Variants in PCDHGA8 observed in about 807,000 individuals in gnomAD.
PCDHGA8 encodes the protein protocadherin gamma-A8.
PCDHGA8 carries 45 observed loss-of-function variants against 59.2 expected under a neutral mutation model. The ratio of observed to expected loss-of-function variants is 0.76; its 90% CI spans 0.60 to 0.98. The LOEUF (loss-of-function observed/expected upper bound fraction) is 0.98. Among genes scored for constraint, PCDHGA8 ranks in the 50% least tolerant of loss-of-function variants. The pLI is 0.00. For synonymous variants in PCDHGA8, 531 were observed against 519.0 expected, an observed-to-expected ratio of 1.02 and a Z score of -0.32; for missense variants, 1,257 against 1,196.2, an observed-to-expected ratio of 1.05 and a Z score of -0.75.
intron 1 of PCDHGA8, chr5:141,410,576 C>T (rs533810160): frequency 8.7e-6 from 14 of 1,611,152 alleles, no homozygotes; most frequent in Non-Finnish European, 1.2e-5. Context: ...AATTCCACCT[C>T]ATGGTGGGGA....
rs191953163 is a variant in PCDHGA8 at position 141,426,385 on chromosome 5, C to T, written c.2424+31148C>T. Reference sequence around the variant, plus strand: ...CTGCGGGGCACCCTCGGAGCAGATCCGCTACTCTATTCCAGAAGAAACGGT... The same window carrying T: ...CTGCGGGGCACCCTCGGAGCAGATCTGCTACTCTATTCCAGAAGAAACGGT... On this transcript the variant is annotated intron_variant, in intron 1 of 3. Transcript: ENST00000398604. 1.4e-3 allele frequency: 332 copies of T among 244,362 alleles called. 1 individual carries two copies. The highest frequency in any genetic ancestry group is 1.5e-3 in the Non-Finnish European group (188 of 121,940). 15.1% of individuals were successfully genotyped at this position (244,362 alleles called of 1,614,324 possible). A position where few individuals can be genotyped will look rare whatever the true frequency, so the allele number is the denominator to read the frequency against.
In PCDHGA8 at chr5:141,476,016, G is replaced by C; in HGVS notation, c.2425-18791G>C. On this transcript the variant is annotated intron_variant, in intron 1 of 3. Transcript: ENST00000398604. This position sits in a 1 kb window ranked among gnomAD's most constrained non-coding sequence, Gnocchi z 7.6. ...TCAACGGCATCCAGAAAGCCATGTC[G>C]GACTCGGCGCCCAGCGCCCAAGCGC... 1 of 1,359,386 alleles carries C rather than the reference G, an allele frequency of 7.4e-7. No homozygotes were observed. The highest frequency in any genetic ancestry group is 2.3e-5 in the East Asian group (1 of 43,300). 84.2% of individuals were successfully genotyped at this position (1,359,386 alleles called of 1,614,324 possible).
At position 141,432,202 on chromosome 5, in the gene PCDHGA8, T is replaced by C; in HGVS notation, c.2424+36965T>C. 1 of 1,614,120 alleles carries C rather than the reference T, an allele frequency of 6.2e-7. No homozygotes were observed. The highest frequency in any genetic ancestry group is 1.1e-5 in the South Asian group (1 of 91,072). ...CTGTGACCGCCCACGACCCCGACTGTGAAGAGAACGCCCAGATCACTTATT... is the reference window on the plus strand; with the variant it reads ...CTGTGACCGCCCACGACCCCGACTGCGAAGAGAACGCCCAGATCACTTATT... On this transcript the variant is annotated intron_variant, in intron 1 of 3. Coordinates refer to ENST00000398604, the MANE Select transcript of PCDHGA8 (RefSeq NM_032088.2). The surrounding 1 kb of genome is among the most constrained non-coding windows in gnomAD (Gnocchi z 6.0).
intron 2 of PCDHGA8, among the ~76,000 whole-genome samples, chr5:141,503,994 A>C (rs1330628079): frequency 6.6e-6 from 1 of 152,158 alleles, no homozygotes; most frequent in Non-Finnish European, 1.5e-5. Context: ...CTTACCTTAC[A>C]GTCACTTAAC....
Position 141,487,642 on chromosome 5 carries a change from G to A in PCDHGA8, c.2425-7165G>A, listed in dbSNP as rs747328649. 1.2e-6 allele frequency: 2 copies of A among 1,614,130 alleles called. No individual in the cohort carries two copies. The highest frequency in any genetic ancestry group is 1.3e-5 in the African/African-American group (1 of 75,062). On this transcript the variant is annotated intron_variant, in intron 1 of 3. Transcript: ENST00000398604. This position sits in a 1 kb window ranked among gnomAD's most constrained non-coding sequence, Gnocchi z 5.0. ...TGAGACCTTTGCAGGCTCAACAAAT[G>A]CTTGAGGGTTATTCTGATCCAGGCA...
Position 141,489,119 on chromosome 5 carries a change from C to T in PCDHGA8, c.2425-5688C>T, listed in dbSNP as rs1236074950. The T allele has an allele frequency of 2.0e-5, 13 of 650,240 alleles. No individual in the cohort carries two copies. Among genetic ancestry groups the T allele is most frequent in the African/African-American group, 9.1e-5 (5 of 55,178 alleles). 40.3% of individuals were successfully genotyped at this position (650,240 alleles called of 1,614,324 possible). ...GAACTGCTGCAAGCAGGCAAACCTC[C>T]GAGCAGTTTTTAAGAGGCTGGAAGG... On this transcript the variant is annotated intron_variant, in intron 1 of 3. Coordinates refer to ENST00000398604, the MANE Select transcript of PCDHGA8 (RefSeq NM_032088.2). This position sits in a 1 kb window ranked among gnomAD's most constrained non-coding sequence, Gnocchi z 4.5.
At chr5:141,500,728 T>C (rs556463739) in intron 2 of PCDHGA8, among the ~76,000 whole-genome samples, 1 of 152,310 alleles carries the variant, frequency 6.6e-6, no homozygotes, top group South Asian at 2.1e-4. Context: ...CCCATGTCTT[T>C]CAAAATTCTT....
intron 1 of PCDHGA8, among the ~76,000 whole-genome samples, chr5:141,462,125 A>AT (rs1561991410): frequency 6.6e-6 from 1 of 151,688 alleles, no homozygotes; most frequent in African/African-American, 2.4e-5. Context: ...ACCCAGTCCA[A>AT]TTTTTTGTAT....
intron 1 of PCDHGA8, chr5:141,420,440 C>G (rs1298244162): frequency 9.3e-7 from 1 of 1,076,214 alleles, no homozygotes; most frequent in Non-Finnish European, 1.2e-6. Context: ...AATTAAATGC[C>G]TCAGTCTTCC....
At position 141,404,503 on chromosome 5, in the gene PCDHGA8, G is replaced by A. The variant is rs771196227; in HGVS notation, c.2424+9266G>A. 8 of 1,613,720 alleles carry A rather than the reference G, an allele frequency of 5.0e-6. No homozygotes were observed. In the East Asian group the frequency reaches 1.8e-4, roughly 36 times the overall value. On this transcript the variant is annotated intron_variant, in intron 1 of 3. Coordinates refer to ENST00000398604, the MANE Select transcript of PCDHGA8 (RefSeq NM_032088.2). Reference sequence around the variant, plus strand: ...CAGACACTGGTGTGCTGTATGCTCTGTGCTCCTTTGACTATGAGCAGTTTA... The same window carrying A: ...CAGACACTGGTGTGCTGTATGCTCTATGCTCCTTTGACTATGAGCAGTTTA...
Position 141,407,403 on chromosome 5 carries a change from A to G in PCDHGA8, c.2424+12166A>G, listed in dbSNP as rs964260933. 2.0e-5 allele frequency among the ~76,000 whole-genome samples: 3 copies of G among 152,220 alleles called. No individual in the cohort carries two copies. In the East Asian group the frequency reaches 5.8e-4, roughly 29 times the overall value. Reference sequence around the variant, plus strand: ...TTGTATGTCATGGTAGGTAGTTACTATTCGATACCACAAAAATGTCTCTTG... The same window carrying G: ...TTGTATGTCATGGTAGGTAGTTACTGTTCGATACCACAAAAATGTCTCTTG... On this transcript the variant is annotated intron_variant, in intron 1 of 3. Transcript: ENST00000398604.
chr5:141,489,636 C>A lies in PCDHGA8; in HGVS notation c.2425-5171C>A, dbSNP rs753380268. 3.8e-5 allele frequency: 62 copies of A among 1,614,074 alleles called. No individual in the cohort carries two copies. The highest frequency in any genetic ancestry group is 5.1e-5 in the Non-Finnish European group (60 of 1,180,038). ...TGGATCTCAATGACAACTCTCCTAG[C>A]TTTGCCACCCCTGAGCGAGAGATGC... is the stretch of plus-strand genomic sequence containing the variant. On this transcript the variant is annotated intron_variant, in intron 1 of 3. Coordinates refer to ENST00000398604, the MANE Select transcript of PCDHGA8 (RefSeq NM_032088.2). The surrounding 1 kb of genome is among the most constrained non-coding windows in gnomAD (Gnocchi z 4.5).
intron 1 of PCDHGA8, among the ~76,000 whole-genome samples, chr5:141,448,813 C>T (rs1020956433): frequency 2.0e-5 from 3 of 151,800 alleles, no homozygotes; most frequent in Admixed American, 1.3e-4. Context: ...GGCGTGATGG[C>T]GGGCGCCTGT....
chr5:141,421,533 C>T (rs80184002), intron 1 of PCDHGA8: 1 of 1,614,044 alleles, frequency 6.2e-7, no homozygotes, highest in African/African-American at 1.3e-5. Flanking sequence ...CGGTGTCCTC[C>T]TGTTTTTTAA....
intron 1 of PCDHGA8, chr5:141,411,909 A>T (rs1176626028): frequency 6.6e-6 from 1 of 152,204 alleles, no homozygotes; most frequent in Non-Finnish European, 1.5e-5. Flanking sequence ...TTGCCTTTGC[A>T]CTCAGTCTCT....
intron 1 of PCDHGA8, chr5:141,400,772 G>T: frequency 1.8e-6 from 1 of 570,264 alleles, no homozygotes. Context: ...AAAACATTTG[G>T]TGCGTTTTTT....
Position 141,487,660 on chromosome 5 carries a change from T to C in PCDHGA8, c.2425-7147T>C. Reference sequence around the variant, plus strand: ...AACAAATGCTTGAGGGTTATTCTGATCCAGGCATATGGCTAGGCCATGTCC... The same window carrying C: ...AACAAATGCTTGAGGGTTATTCTGACCCAGGCATATGGCTAGGCCATGTCC... On this transcript the variant is annotated intron_variant, in intron 1 of 3. Coordinates refer to ENST00000398604, the MANE Select transcript of PCDHGA8 (RefSeq NM_032088.2). The surrounding 1 kb of genome is among the most constrained non-coding windows in gnomAD (Gnocchi z 5.0). The C allele has an allele frequency of 6.2e-7, 1 of 1,613,442 alleles. No homozygotes were observed. The highest frequency in any genetic ancestry group is 8.5e-7 in the Non-Finnish European group (1 of 1,179,710).
intron 1 of PCDHGA8, among the ~76,000 whole-genome samples, chr5:141,494,199 G>A (rs1033914239): frequency 1.3e-5 from 2 of 152,160 alleles, no homozygotes; most frequent in South Asian, 2.1e-4. Context: ...TGGATGCCCC[G>A]CAAAGGCCCA....
At chr5:141,470,112 G>T (rs1186184232) in intron 1 of PCDHGA8, among the ~76,000 whole-genome samples, 1 of 152,104 alleles carries the variant, frequency 6.6e-6, no homozygotes, top group Non-Finnish European at 1.5e-5. Flanking sequence ...CTGAGCAACA[G>T]AGCAAGACTT....
Sources: allele counts gnomAD v4.1 joint callset (sites outside exome capture counted in the v4.1 genomes callset), GRCh38; gene constraint gnomAD v4.1.1; non-coding constraint Gnocchi (gnomAD v3.1); transcripts MANE v1.5; gene names NCBI Gene and HGNC (gene_info 2026-07-23, HGNC 2026-07-21).